The following SGK1 variants were observed in gnomAD, a reference collection of about 807,000 sequenced individuals.
The protein encoded by SGK1 is serum/glucocorticoid regulated kinase 1, also known as serine/threonine-protein kinase Sgk1.
In SGK1, 26 loss-of-function variants were observed where a neutral mutation model predicts 64.2. The observed-to-expected ratio is 0.40, with a 90% CI of 0.30 to 0.56. SGK1 has a LOEUF of 0.56. Among genes scored for constraint, SGK1 ranks in the 20% least tolerant of loss-of-function variants. SGK1 has a pLI of 0.38. For synonymous variants in SGK1, 265 were observed against 239.7 expected (o/e 1.11, Z -0.98); for missense variants, 519 against 645.6 (o/e 0.80, Z 2.12).
intron 11 of SGK1, 43 bp downstream of exon 11, chr6:134,171,594 T>C (rs765829239): frequency 1.5e-6 from 2 of 1,378,052 alleles, no homozygotes; most frequent in East Asian, 4.6e-5. Flanking sequence ...GGCAATATTG[T>C]AGGGAGCAGG....
At chr6:134,209,338 G>A (rs1258139101) in intron 2 of SGK1, among the ~76,000 whole-genome samples, 1 of 152,048 alleles carries the variant, frequency 6.6e-6, no homozygotes, top group Non-Finnish European at 1.5e-5. Context: ...GGAACCTGAG[G>A]CAGGAGAATC....
At chr6:134,307,516 A>G (rs568502798) in intron 1 of SGK1, among the ~76,000 whole-genome samples, 21 of 152,292 alleles carry the variant, frequency 1.4e-4, no homozygotes, top group African/African-American at 4.6e-4. Context: ...CAACCCCCTG[A>G]TATAAAATGG....
At chr6:134,316,490 C>T (rs1275158750) in intron 1 of SGK1, among the ~76,000 whole-genome samples, 1 of 152,046 alleles carries the variant, frequency 6.6e-6, no homozygotes, top group African/African-American at 2.4e-5. Context: ...AGTGTCATTC[C>T]TTTAACAATC....
At chr6:134,298,615 C>T in intron 1 of SGK1, 1 of 1,179,136 alleles carries the variant, frequency 8.5e-7, no homozygotes, top group Non-Finnish European at 1.2e-6. Flanking sequence ...GTACTGGGCC[C>T]ACTCGTGTAG....
chr6:134,281,187 T>C (rs1454044261), intron 1 of SGK1, among the ~76,000 whole-genome samples: 1 of 152,246 alleles, frequency 6.6e-6, no homozygotes, highest in African/African-American at 2.4e-5. Context: ...AACTTTCTTA[T>C]CCACCTACCC....
intron 2 of SGK1, chr6:134,230,583 G>A (rs1582729647): frequency 6.6e-6 from 1 of 151,712 alleles, no homozygotes; most frequent in Admixed American, 6.6e-5. Context: ...AGGGAAAACC[G>A]CCCCCCCATG....
intron 1 of SGK1, among the ~76,000 whole-genome samples, chr6:134,263,792 C>T (rs1453523467): frequency 2.0e-5 from 3 of 152,102 alleles, no homozygotes; most frequent in African/African-American, 7.2e-5. Flanking sequence ...AGGTGGCTCA[C>T]ACCTGTAATC....
At chr6:134,273,187 A>G (rs1776966338) in intron 1 of SGK1, among the ~76,000 whole-genome samples, 1 of 147,712 alleles carries the variant, frequency 6.8e-6, no homozygotes. Flanking sequence ...TCCTTCACAA[A>G]TATTTGCTAT....
At chr6:134,316,425 C>A (rs1396099496) in intron 1 of SGK1, among the ~76,000 whole-genome samples, 1 of 152,102 alleles carries the variant, frequency 6.6e-6, no homozygotes, top group Non-Finnish European at 1.5e-5. Context: ...CAACTGGGGA[C>A]TGGAGGATGT....
chr6:134,174,384 T>G (rs1775139604), intron 4 of SGK1, 127 bp downstream of exon 4: 4 of 669,990 alleles, frequency 6.0e-6, no homozygotes, highest in Non-Finnish European at 7.7e-6. Context: ...ATATTAGAAT[T>G]TAAGGAGAAA....
chr6:134,238,062 G>A (rs1776391090), intron 2 of SGK1, among the ~76,000 whole-genome samples: 1 of 152,112 alleles, frequency 6.6e-6, no homozygotes, highest in Non-Finnish European at 1.5e-5. Context: ...TTGTTCCAGA[G>A]TTCAGAAATT....
intron 1 of SGK1, among the ~76,000 whole-genome samples, chr6:134,269,356 A>C (rs1025980662): frequency 6.8e-5 from 10 of 147,230 alleles, no homozygotes; most frequent in Admixed American, 6.3e-4. Flanking sequence ...GAGTCAGCCC[A>C]GTTTTCTAGT....
chr6:134,246,247 C>G (rs1207288830), intron 2 of SGK1, among the ~76,000 whole-genome samples: 1 of 151,820 alleles, frequency 6.6e-6, no homozygotes, highest in Non-Finnish European at 1.5e-5. Context: ...CTCCCAGGTT[C>G]AAGTGATTCT....
intron 2 of SGK1, among the ~76,000 whole-genome samples, chr6:134,259,150 T>A (rs1033536658): frequency 6.6e-5 from 10 of 152,182 alleles, no homozygotes; most frequent in Non-Finnish European, 1.3e-4. Context: ...TGCTTTAAAT[T>A]CCTTTCAGCT....
At chr6:134,188,222 T>G (rs1392795990) in intron 3 of SGK1, among the ~76,000 whole-genome samples, 1 of 152,076 alleles carries the variant, frequency 6.6e-6, no homozygotes, top group Admixed American at 6.6e-5. Context: ...TCTTTACCTT[T>G]TTTTTTTTGC....
intron 8 of SGK1, 30 bp downstream of exon 8, chr6:134,172,993 T>C: frequency 6.3e-7 from 1 of 1,596,036 alleles, no homozygotes; most frequent in Non-Finnish European, 8.6e-7. Flanking sequence ...GCAGAGACAC[T>C]AAGAGTTGAC....
At chr6:134,178,933 C>G (rs1005908943) in intron 3 of SGK1, among the ~76,000 whole-genome samples, 1 of 151,902 alleles carries the variant, frequency 6.6e-6, no homozygotes. Flanking sequence ...TAAACGTTTC[C>G]CAGTGCATGT....
chr6:134,312,767 A>T (rs867407541), intron 1 of SGK1, among the ~76,000 whole-genome samples: 10 of 150,068 alleles, frequency 6.7e-5, no homozygotes, highest in Middle Eastern at 3.4e-3. Context: ...GTATTTTTAT[A>T]TATGATAATT....
At chr6:134,283,873 C>CAAAAAAAAAAAAAAAAAAAAAAAA (rs35999916) in intron 1 of SGK1, among the ~76,000 whole-genome samples, 1 of 26,128 alleles carries the variant, frequency 3.8e-5, no homozygotes, top group Non-Finnish European at 7.2e-5. Flanking sequence ...CTGCCACCAC[C>CAAAAAAAAAAAAAAAAAAAAAAAA]AAAAAAAAAA....
Sources: gnomAD v4.1 joint callset for allele counts (sites outside exome capture counted in the v4.1 genomes callset) on GRCh38, gnomAD v4.1.1 for gene constraint, MANE v1.5 for transcripts, NCBI Gene and HGNC (gene_info 2026-07-23, HGNC 2026-07-21) for gene names.